DNAH8: variants seen among roughly 807,000 people sequenced by gnomAD.
DNAH8 encodes the protein axonemal beta dynein heavy chain 8.
In DNAH8, 382 loss-of-function variants were observed where a neutral mutation model predicts 562.1. The observed-to-expected ratio is 0.68, with a 90% CI of 0.63 to 0.74. The LOEUF is 0.74. Ranked by LOEUF, DNAH8 falls within the 30% of genes least tolerant of loss-of-function variation. The probability of loss-of-function intolerance (pLI) is 0.00; values close to 1 mark genes in which losing one functional copy is unlikely to be tolerated. For missense variants in DNAH8, 5,203 were observed against 5,620.4 expected, an observed-to-expected ratio of 0.93 and a Z score of 2.37; for synonymous variants, 1,881 against 1,919.4, an observed-to-expected ratio of 0.98 and a Z score of 0.52.
chr6:38,790,517 C>T (rs575255930), intron 20 of DNAH8, 112 bp downstream of exon 20: 17 of 549,940 alleles, frequency 3.1e-5, no homozygotes, highest in African/African-American at 6.0e-5. Context: ...AAAGGACATC[C>T]GTTAGGTTTA....
intron 30 of DNAH8, among the ~76,000 whole-genome samples, chr6:38,829,204 T>A (rs1049874880): frequency 1.3e-5 from 2 of 152,162 alleles, no homozygotes; most frequent in Non-Finnish European, 2.9e-5. Flanking sequence ...TACTTTTGAG[T>A]TGTAAGAATT....
At chr6:38,812,377 T>G (rs1016055102) in intron 24 of DNAH8, among the ~76,000 whole-genome samples, 1 of 152,210 alleles carries the variant, frequency 6.6e-6, no homozygotes, top group Non-Finnish European at 1.5e-5. Flanking sequence ...TACATTGATT[T>G]ACAAGTTCTG....
chr6:38,976,025 T>A (rs1211791808), intron 85 of DNAH8, among the ~76,000 whole-genome samples: 2 of 152,256 alleles, frequency 1.3e-5, no homozygotes, highest in Admixed American at 6.5e-5. Flanking sequence ...TAACACCACA[T>A]GTGTTTGGGT....
intron 82 of DNAH8, among the ~76,000 whole-genome samples, chr6:38,952,010 A>G (rs140449065): frequency 3.9e-5 from 6 of 152,354 alleles, no homozygotes; most frequent in Non-Finnish European, 8.8e-5. Context: ...GATGAATACA[A>G]CACAGCTGGG....
intron 88 of DNAH8, among the ~76,000 whole-genome samples, chr6:39,004,397 C>T (rs1220274798): frequency 1.3e-5 from 2 of 152,128 alleles, no homozygotes; most frequent in Admixed American, 6.5e-5. Context: ...TGCATTGGCC[C>T]ATTCTTTTCT....
At chr6:38,815,026 C>A (rs1772119186) in intron 25 of DNAH8, among the ~76,000 whole-genome samples, 1 of 152,118 alleles carries the variant, frequency 6.6e-6, no homozygotes, top group African/African-American at 2.4e-5. Context: ...CTGAAGGATA[C>A]CTTCTTAGCT....
At chr6:38,715,929 T>TAAATAAATAAATAAATAAATAA (rs1562520234) in intron 1 of DNAH8, among the ~76,000 whole-genome samples, 2 of 28,436 alleles carry the variant, frequency 7.0e-5, no homozygotes, top group African/African-American at 1.7e-4. Context: ...TAAATAAATA[T>TAAATAAATAAATAAATAAATAA]ATATATATAT....
At chr6:38,773,634 G>A (rs749759657) in intron 12 of DNAH8, among the ~76,000 whole-genome samples, 5 of 152,118 alleles carry the variant, frequency 3.3e-5, no homozygotes, top group Admixed American at 1.3e-4. Flanking sequence ...ACGACAGACC[G>A]GCATCTTTCC....
intron 26 of DNAH8, among the ~76,000 whole-genome samples, chr6:38,816,567 A>G (rs752699069): frequency 3.7e-5 from 5 of 136,512 alleles, no homozygotes; most frequent in African/African-American, 5.8e-5. Flanking sequence ...TATCCTTATA[A>G]TAGAATGATT....
At chr6:38,971,759 G>T (rs1460328413) in intron 83 of DNAH8, 94 bp downstream of exon 83, 3 of 958,122 alleles carry the variant, frequency 3.1e-6, no homozygotes, top group African/African-American at 1.7e-5. Context: ...GCTCAATCCT[G>T]GTTTTTCCAT....
At chr6:38,725,577 A>T (rs1203894156) in intron 3 of DNAH8, among the ~76,000 whole-genome samples, 4 of 152,078 alleles carry the variant, frequency 2.6e-5, no homozygotes, top group African/African-American at 9.7e-5. Context: ...ATGCATGGAG[A>T]TGTGTACGTA....
At chr6:39,010,820 C>CGTATGTATGTAT (rs1554163117) in intron 89 of DNAH8, among the ~76,000 whole-genome samples, 6 of 132,828 alleles carry the variant, frequency 4.5e-5, no homozygotes, top group African/African-American at 1.4e-4. Flanking sequence ...CACACACACA[C>CGTATGTATGTAT]GTATGTATGT....
At chr6:38,907,747 G>C (rs1780591308) in intron 63 of DNAH8, among the ~76,000 whole-genome samples, 1 of 152,184 alleles carries the variant, frequency 6.6e-6, no homozygotes, top group East Asian at 1.9e-4. Flanking sequence ...TTGGAGCACA[G>C]GAGAACACAA....
In DNAH8 at chr6:39,010,800, C is replaced by T. The variant is rs982387934; in HGVS notation, c.13372-1415C>T. On this transcript the variant is annotated intron_variant, in intron 89 of 92. Coordinates refer to ENST00000327475, the MANE Select transcript of DNAH8 (RefSeq NM_001206927.2). ...ATATATACACACACACGCACGTGTA[C>T]GCACACACACACACACACACGTATG... Among the ~76,000 whole-genome samples, 7 of 102,928 alleles carry T rather than the reference C, an allele frequency of 6.8e-5. No individual in the cohort carries two copies. In the South Asian group the frequency reaches 9.7e-4, roughly 14 times the overall value. The allele number at this position is 102,928 out of a possible 152,430, so 67.5% of individuals were successfully genotyped here.
At chr6:38,949,640 T>G in intron 81 of DNAH8, 70 bp downstream of exon 81, 1 of 940,666 alleles carries the variant, frequency 1.1e-6, no homozygotes, top group Non-Finnish European at 1.7e-6. Context: ...TTTATCTCAG[T>G]GAGTTTACTT....
chr6:38,876,324 T>C (rs1349649396), intron 53 of DNAH8, among the ~76,000 whole-genome samples: 1 of 151,286 alleles, frequency 6.6e-6, no homozygotes, highest in Non-Finnish European at 1.5e-5. Flanking sequence ...TTAAAAGAAA[T>C]GCCTTTGAAC....
chr6:38,829,684 TTTTATC>T (rs1411093827), intron 30 of DNAH8, among the ~76,000 whole-genome samples: 3 of 152,232 alleles, frequency 2.0e-5, no homozygotes, highest in African/African-American at 7.2e-5. Context: ...TTTCTATTCT[TTTTATC>T]TATATGCCTA....
chr6:38,926,787 G>A (rs6928176), intron 74 of DNAH8, among the ~76,000 whole-genome samples: 104,242 of 151,962 alleles, frequency 0.69, 36,374 homozygotes, highest in African/African-American at 0.81. Flanking sequence ...TGCTTATACT[G>A]TTTCTACTAA....
intron 56 of DNAH8, among the ~76,000 whole-genome samples, chr6:38,885,938 A>G (rs957584796): frequency 6.6e-6 from 1 of 152,226 alleles, no homozygotes; most frequent in African/African-American, 2.4e-5. Context: ...AATTTTGTCT[A>G]TGCTACAAGA....
Sources: allele counts gnomAD v4.1 joint callset (sites outside exome capture counted in the v4.1 genomes callset), GRCh38; gene constraint gnomAD v4.1.1; transcripts MANE v1.5; gene names NCBI Gene and HGNC (gene_info 2026-07-23, HGNC 2026-07-21).